The following AGBL4 variants were observed in gnomAD, a reference collection of about 807,000 sequenced individuals.
The protein encoded by AGBL4 is AGBL carboxypeptidase 4, also known as cytosolic carboxypeptidase 6.
In AGBL4, 58 loss-of-function variants were observed where a neutral mutation model predicts 66.4. That is an observed-to-expected ratio of 0.87 (90% CI 0.71 to 1.09). AGBL4 has a LOEUF of 1.09. Ranked by LOEUF, AGBL4 falls within the 50% of genes least tolerant of loss-of-function variation. AGBL4 has a pLI of 0.00. For synonymous variants in AGBL4, 234 were observed against 222.9 expected, an observed-to-expected ratio of 1.05 and a Z score of -0.44; for missense variants, 579 against 631.0, an observed-to-expected ratio of 0.92 and a Z score of 0.88.
intron 1 of AGBL4, chr1:49,994,479 T>C (rs1402498901): frequency 2.0e-5 from 3 of 152,206 alleles, no homozygotes; most frequent in Admixed American, 2.0e-4. Flanking sequence ...TTTGGGAGGC[T>C]GAGGCAGGAG....
chr1:49,968,196 C>T (rs1056810308), intron 1 of AGBL4, among the ~76,000 whole-genome samples: 1 of 145,842 alleles, frequency 6.9e-6, no homozygotes, highest in Admixed American at 7.0e-5. Flanking sequence ...GCATTCCGGC[C>T]TGGGCAAAAA....
At chr1:49,822,413 C>T (rs1369945064) in intron 2 of AGBL4, among the ~76,000 whole-genome samples, 1 of 151,982 alleles carries the variant, frequency 6.6e-6, no homozygotes, top group Non-Finnish European at 1.5e-5. Flanking sequence ...ACTGCAACCT[C>T]CACCTCCTGG....
intron 5 of AGBL4, among the ~76,000 whole-genome samples, chr1:49,016,077 G>T (rs1488478164): frequency 6.6e-6 from 1 of 152,124 alleles, no homozygotes; most frequent in African/African-American, 2.4e-5. Flanking sequence ...AGTACCCCAG[G>T]TAAGGGCCCA....
rs1463256838 is a variant in AGBL4, at chr1:49,260,862, G to T, written c.283-14998C>A. ...CGGGCAGAGACACAACCAAAAAAGA[G>T]AATTTTAGACCAATATCCTTGATGA... On this transcript the variant is annotated intron_variant, in intron 3 of 13. Coordinates refer to ENST00000371839, the MANE Select transcript of AGBL4 (RefSeq NM_032785.4). 2.6e-5 allele frequency among the ~76,000 whole-genome samples: 4 copies of T among 151,412 alleles called. No individual in the cohort carries two copies. The East Asian group carries it at 5.8e-4, about 22-fold the overall frequency.
rs774170876 is a variant in AGBL4, at chr1:49,445,998, C to T, written c.283-200134G>A. On this transcript the variant is annotated intron_variant, in intron 3 of 13. Coordinates refer to ENST00000371839, the MANE Select transcript of AGBL4 (RefSeq NM_032785.4). ...CTCTGAGTAGCTGGGAATACAGATG[C>T]CTGCCACCATGCCTGACTAATTTTT... Among the ~76,000 whole-genome samples, 3 of 152,002 alleles carry T rather than the reference C, an allele frequency of 2.0e-5. No individual in the cohort carries two copies. In the East Asian group the frequency reaches 5.8e-4, roughly 29 times the overall value.
intron 3 of AGBL4, among the ~76,000 whole-genome samples, chr1:49,653,658 T>C (rs1229470561): frequency 6.6e-6 from 1 of 150,466 alleles, no homozygotes; most frequent in Non-Finnish European, 1.5e-5. Context: ...AAACACAACA[T>C]GAGAAGTTCA....
intron 3 of AGBL4, among the ~76,000 whole-genome samples, chr1:49,600,210 G>A (rs1428313197): frequency 4.6e-5 from 7 of 152,266 alleles, no homozygotes; most frequent in African/African-American, 1.7e-4. Context: ...TGACAGTGGG[G>A]TGTTAAAGAC....
intron 2 of AGBL4, among the ~76,000 whole-genome samples, chr1:49,850,363 T>G (rs1005436415): frequency 6.6e-6 from 1 of 152,128 alleles, no homozygotes; most frequent in East Asian, 1.9e-4. Context: ...TCATAATTCT[T>G]AGGGGGAACC....
intron 4 of AGBL4, among the ~76,000 whole-genome samples, chr1:49,191,509 C>T (rs1647118121): frequency 6.6e-6 from 1 of 152,216 alleles, no homozygotes; most frequent in African/African-American, 2.4e-5. Context: ...AGGTTTGTTA[C>T]ATGAGTACAC....
intron 1 of AGBL4, among the ~76,000 whole-genome samples, chr1:50,011,420 G>A (rs983407728): frequency 3.3e-5 from 5 of 152,132 alleles, no homozygotes; most frequent in Non-Finnish European, 5.9e-5. Context: ...GGGAACCCTC[G>A]TATACTGCTG....
rs574413755 is a variant in AGBL4, at chr1:49,933,595, T to C, written c.35-82077A>G. Among the ~76,000 whole-genome samples, 48 of 152,202 alleles carry C rather than the reference T, an allele frequency of 3.2e-4. No individual in the cohort carries two copies. In the South Asian group the frequency reaches 6.0e-3, roughly 19 times the overall value. On this transcript the variant is annotated intron_variant, in intron 1 of 13. Transcript: ENST00000371839. Reference sequence around the variant, plus strand: ...ATTAAGAACTATAAATTACAAAAACTTGTTAATGGATTCACAATAAAAAAG... The same window carrying C: ...ATTAAGAACTATAAATTACAAAAACCTGTTAATGGATTCACAATAAAAAAG...
At chr1:49,939,292 G>A (rs1654479266) in intron 1 of AGBL4, among the ~76,000 whole-genome samples, 1 of 150,640 alleles carries the variant, frequency 6.6e-6, no homozygotes, top group African/African-American at 2.4e-5. Context: ...GTAATTTATA[G>A]ATTCAATGCC....
intron 4 of AGBL4, among the ~76,000 whole-genome samples, chr1:49,190,151 A>C (rs1647088840): frequency 6.6e-6 from 1 of 152,192 alleles, no homozygotes; most frequent in Non-Finnish European, 1.5e-5. Context: ...GAGGCCAGAA[A>C]AGTGGTTTCC....
At chr1:49,417,311 G>A (rs1645448275) in intron 3 of AGBL4, among the ~76,000 whole-genome samples, 1 of 152,042 alleles carries the variant, frequency 6.6e-6, no homozygotes, top group South Asian at 2.1e-4. Flanking sequence ...GAAAAGAGAA[G>A]GAGAAATGGA....
At chr1:49,435,208 A>T (rs746635727) in intron 3 of AGBL4, among the ~76,000 whole-genome samples, 4 of 152,200 alleles carry the variant, frequency 2.6e-5, no homozygotes, top group Non-Finnish European at 4.4e-5. Flanking sequence ...TGGTACCAGA[A>T]TTACGTCTGA....
At chr1:49,230,414 G>C (rs1650222007) in intron 4 of AGBL4, among the ~76,000 whole-genome samples, 1 of 152,110 alleles carries the variant, frequency 6.6e-6, no homozygotes, top group African/African-American at 2.4e-5. Flanking sequence ...ATACTATCCA[G>C]TTTGGAAAGA....
chr1:49,787,864 G>A lies in AGBL4; in HGVS notation c.157+63532C>T, dbSNP rs375353052. The stretch of plus-strand genomic sequence containing the variant: ...CAGCTCGCCTGCACATAGAAACCCA[G>A]GGGCCTTTTTTGCGGGGAAGGGGGT... On this transcript the variant is annotated intron_variant, in intron 2 of 13. Coordinates refer to ENST00000371839, the MANE Select transcript of AGBL4 (RefSeq NM_032785.4). Among the ~76,000 whole-genome samples, 52 of 152,168 alleles carry A rather than the reference G, an allele frequency of 3.4e-4. 1 individual carries two copies. In the South Asian group the frequency reaches 9.5e-3, roughly 28 times the overall value.
intron 4 of AGBL4, among the ~76,000 whole-genome samples, chr1:49,189,446 T>C (rs909440930): frequency 3.3e-5 from 5 of 152,142 alleles, no homozygotes; most frequent in African/African-American, 9.7e-5. Context: ...AACTATAATT[T>C]GATAGAGTTT....
intron 3 of AGBL4, among the ~76,000 whole-genome samples, chr1:49,486,906 C>A (rs1246006110): frequency 1.3e-5 from 2 of 151,876 alleles, no homozygotes; most frequent in African/African-American, 4.8e-5. Flanking sequence ...CCATTGTGAG[C>A]AATAGTTGCT....
Sources: allele counts gnomAD v4.1 joint callset (sites outside exome capture counted in the v4.1 genomes callset), GRCh38; gene constraint gnomAD v4.1.1; transcripts MANE v1.5; gene names NCBI Gene and HGNC (gene_info 2026-07-23, HGNC 2026-07-21).